Variants in BNC2 observed in about 807,000 individuals in gnomAD.
BNC2 encodes basonuclin zinc finger protein 2.
A neutral mutation model predicts 76.3 loss-of-function variants in BNC2; 20 were observed. That is an observed-to-expected ratio of 0.26 (90% CI 0.18 to 0.38). BNC2 has a LOEUF of 0.38. Ranked by LOEUF, BNC2 falls within the 10% of genes least tolerant of loss-of-function variation. The pLI, the probability that BNC2 is intolerant of heterozygous loss-of-function variation, is 1.00. For synonymous variants in BNC2, 582 were observed against 514.8 expected (o/e 1.13, Z -1.77); for missense variants, 1,382 against 1,399.8 (o/e 0.99, Z 0.20).
intron 6 of BNC2, among the ~76,000 whole-genome samples, chr9:16,421,459 A>G (rs558342115): frequency 6.6e-6 from 1 of 152,348 alleles, no homozygotes; most frequent in South Asian, 2.1e-4. Flanking sequence ...ATTTTCTGTC[A>G]TAAGCGATCA....
intron 5 of BNC2, among the ~76,000 whole-genome samples, chr9:16,487,688 C>T (rs187199377): frequency 6.6e-6 from 1 of 152,214 alleles, no homozygotes; most frequent in Non-Finnish European, 1.5e-5. Flanking sequence ...TTTCTTGTCA[C>T]TCTTAAGATT....
rs188107964 is a variant in BNC2, at chr9:16,435,079, T to G, written c.2639+476A>C. Reference sequence around the variant, plus strand: ...TCGATGTCCTGGACCTATGGTTCTTTCCATCCGTAAATTTCTGTTTCTATA... The same window carrying G: ...TCGATGTCCTGGACCTATGGTTCTTGCCATCCGTAAATTTCTGTTTCTATA... On this transcript the variant is annotated intron_variant, in intron 6 of 6. Coordinates refer to ENST00000380672, the MANE Select transcript of BNC2 (RefSeq NM_017637.6). 50 of 471,542 alleles carry G rather than the reference T, an allele frequency of 1.1e-4. No homozygotes were observed. In the East Asian group the frequency reaches 3.3e-3, roughly 31 times the overall value. The allele number at this position is 471,542 out of a possible 1,614,324, so 29.2% of individuals were successfully genotyped here.
intron 3 of BNC2, among the ~76,000 whole-genome samples, chr9:16,642,361 A>T (rs1225966842): frequency 6.6e-6 from 1 of 152,156 alleles, no homozygotes; most frequent in African/African-American, 2.4e-5. Context: ...AACATCTCCA[A>T]AGTTCTTTCA....
At chr9:16,543,297 T>A (rs1167178308) in intron 5 of BNC2, among the ~76,000 whole-genome samples, 2 of 152,226 alleles carry the variant, frequency 1.3e-5, no homozygotes, top group Middle Eastern at 3.2e-3. Flanking sequence ...GCTTTTTGTA[T>A]GGCTAGAGAG....
At chr9:16,590,517 A>G (rs1373910648) in intron 3 of BNC2, among the ~76,000 whole-genome samples, 1 of 151,972 alleles carries the variant, frequency 6.6e-6, no homozygotes, top group African/African-American at 2.4e-5. Flanking sequence ...TTGTTCTTCA[A>G]AGACATTTCT....
At position 16,870,607 on chromosome 9, in the gene BNC2, G is replaced by C. The variant is rs550020494; in HGVS notation, c.3+39C>G. The C allele has an allele frequency of 7.5e-6, 12 of 1,608,566 alleles. No individual in the cohort carries two copies. In the East Asian group the frequency reaches 9.0e-5, roughly 12 times the overall value. On this transcript the variant is annotated intron_variant, in intron 1 of 6. Transcript: ENST00000380672. ...GGGCGCGGGGGTCATTTCTGAGGAA[G>C]TCTAGAATAAAAGAGGAAGGAGGGT...
At chr9:16,514,784 AAAAC>A (rs772893621) in intron 5 of BNC2, among the ~76,000 whole-genome samples, 16 of 152,340 alleles carry the variant, frequency 1.1e-4, no homozygotes, top group East Asian at 7.7e-4. Flanking sequence ...ACAGAATTGA[AAAAC>A]AAACAAACAA....
chr9:16,631,112 G>C (rs1027533288), intron 3 of BNC2, among the ~76,000 whole-genome samples: 1 of 152,082 alleles, frequency 6.6e-6, no homozygotes, highest in African/African-American at 2.4e-5. Context: ...GGGTACGTGT[G>C]TGTTCTCTAT....
chr9:16,824,187 C>G (rs180911145), intron 1 of BNC2, among the ~76,000 whole-genome samples: 238 of 152,194 alleles, frequency 1.6e-3, no homozygotes, highest in African/African-American at 5.5e-3. Context: ...ATGTGTCTAA[C>G]GACAGTGAGG....
At chr9:16,558,121 T>G (rs1818895497) in intron 4 of BNC2, among the ~76,000 whole-genome samples, 1 of 152,188 alleles carries the variant, frequency 6.6e-6, no homozygotes, top group Non-Finnish European at 1.5e-5. Flanking sequence ...GTGTTGGGAT[T>G]ACAGGCATGA....
intron 3 of BNC2, among the ~76,000 whole-genome samples, chr9:16,623,826 T>A (rs1820924920): frequency 6.6e-6 from 1 of 152,128 alleles, no homozygotes; most frequent in African/African-American, 2.4e-5. Flanking sequence ...GTAAAAAGGA[T>A]TCAGTAAAAA....
intron 3 of BNC2, among the ~76,000 whole-genome samples, chr9:16,708,789 AG>A (rs1357591487): frequency 6.6e-6 from 1 of 152,164 alleles, no homozygotes; most frequent in Non-Finnish European, 1.5e-5. Flanking sequence ...GAGGAGCTGG[AG>A]CCCCACAACA....
rs148229652 is a variant in BNC2, at chr9:16,699,950, AT to A, written c.330+27846del. Among the ~76,000 whole-genome samples, 749 of 152,338 alleles carry A rather than the reference AT, an allele frequency of 4.9e-3. 10 individuals are homozygous for A. Among genetic ancestry groups the A allele is most frequent in the African/African-American group, 0.017 (711 of 41,588 alleles). On this transcript the variant is annotated intron_variant, in intron 3 of 6. Transcript: ENST00000380672. Reference sequence around the variant, plus strand: ...TATTACAGAATTATCATGGCAGTTAATTTGTTTTACAAGCAATTTATTTAAA... The same window carrying A: ...TATTACAGAATTATCATGGCAGTTAATTGTTTTACAAGCAATTTATTTAAA...
chr9:16,719,525 G>A lies in BNC2; in HGVS notation c.330+8272C>T, dbSNP rs1049244801. ...CATAAAATGTGAGTTCTGAAGAACT[G>A]TCTAGAGAACCAATAGCCACTAAAA... is the stretch of plus-strand genomic sequence containing the variant. On this transcript the variant is annotated intron_variant, in intron 3 of 6. Coordinates refer to ENST00000380672, the MANE Select transcript of BNC2 (RefSeq NM_017637.6). 3.9e-5 allele frequency among the ~76,000 whole-genome samples: 6 copies of A among 152,268 alleles called. No individual in the cohort carries two copies. In the East Asian group the frequency reaches 1.2e-3, roughly 29 times the overall value.
chr9:16,811,462 G>C (rs1818050860), intron 1 of BNC2, among the ~76,000 whole-genome samples: 1 of 139,224 alleles, frequency 7.2e-6, no homozygotes, highest in African/African-American at 2.6e-5. Context: ...TGAGGCAGGA[G>C]AATCACTTGA....
intron 3 of BNC2, chr9:16,704,992 T>A (rs919063047): frequency 3.9e-5 from 6 of 152,326 alleles, no homozygotes; most frequent in Non-Finnish European, 5.9e-5. Flanking sequence ...CTGTTAATTG[T>A]CCAGACTCCA....
At chr9:16,811,126 G>A (rs1466514683) in intron 1 of BNC2, among the ~76,000 whole-genome samples, 1 of 151,548 alleles carries the variant, frequency 6.6e-6, no homozygotes, top group Non-Finnish European at 1.5e-5. Flanking sequence ...CTGAGGCTGA[G>A]GCAGGAGAAT....
chr9:16,684,060 A>G (rs10810589), intron 3 of BNC2, among the ~76,000 whole-genome samples: 114,156 of 152,070 alleles, frequency 0.75, 45,109 homozygotes, highest in Non-Finnish European at 0.9. Flanking sequence ...ATTTTCTCCC[A>G]TAGTATGTCA....
chr9:16,597,373 T>C (rs1044527373), intron 3 of BNC2, among the ~76,000 whole-genome samples: 2 of 152,186 alleles, frequency 1.3e-5, no homozygotes, highest in African/African-American at 2.4e-5. Flanking sequence ...ACACATTTAC[T>C]GTGAACAAAA....
Sources: allele counts gnomAD v4.1 joint callset (sites outside exome capture counted in the v4.1 genomes callset), GRCh38; gene constraint gnomAD v4.1.1; transcripts MANE v1.5; gene names NCBI Gene and HGNC (gene_info 2026-07-23, HGNC 2026-07-21).